Variants in FTO observed in about 807,000 individuals in gnomAD.
FTO encodes alpha-ketoglutarate-dependent dioxygenase FTO.
Under a neutral mutation model 63.9 loss-of-function variants are expected in FTO, and 47 were observed. The observed-to-expected ratio is 0.74, with a 90% CI of 0.58 to 0.94. FTO has a LOEUF of 0.94. Ranked by LOEUF, FTO falls within the 40% of genes least tolerant of loss-of-function variation. The probability of loss-of-function intolerance (pLI) is 0.00; values close to 1 mark genes in which losing one functional copy is unlikely to be tolerated. For missense variants in FTO, 562 were observed against 618.1 expected (o/e 0.91, Z 0.96); for synonymous variants, 207 against 224.4 (o/e 0.92, Z 0.69).
chr16:53,970,962 A>G (rs1251979319), intron 8 of FTO, among the ~76,000 whole-genome samples: 1 of 152,242 alleles, frequency 6.6e-6, no homozygotes, highest in Non-Finnish European at 1.5e-5. Context: ...TAATAGTAAG[A>G]AACTGAGCCC....
intron 7 of FTO, among the ~76,000 whole-genome samples, chr16:53,928,351 T>C (rs2082198645): frequency 6.6e-6 from 1 of 152,186 alleles, no homozygotes; most frequent in African/African-American, 2.4e-5. Flanking sequence ...TTTTTGGTAA[T>C]AGGAGACTGT....
intron 1 of FTO, among the ~76,000 whole-genome samples, chr16:53,732,358 G>A (rs1300722197): frequency 1.3e-5 from 2 of 152,084 alleles, no homozygotes; most frequent in Non-Finnish European, 2.9e-5. Flanking sequence ...GCCCATTGTG[G>A]TCTTCTTAAA....
At chr16:53,758,571 T>C (rs951017403) in intron 1 of FTO, among the ~76,000 whole-genome samples, 1 of 152,194 alleles carries the variant, frequency 6.6e-6, no homozygotes, top group Non-Finnish European at 1.5e-5. Flanking sequence ...GCCCACCAGT[T>C]GACAAACTAA....
chr16:53,738,408 C>A (rs543707925), intron 1 of FTO, among the ~76,000 whole-genome samples: 2 of 152,340 alleles, frequency 1.3e-5, no homozygotes, highest in East Asian at 3.9e-4. Flanking sequence ...TCCCAAAGTG[C>A]ACGGATTACA....
chr16:53,976,832 G>C lies in FTO; in HGVS notation c.1364+42723G>C, dbSNP rs115136219. Among the ~76,000 whole-genome samples, 1,311 of 152,088 alleles carry C rather than the reference G, an allele frequency of 8.6e-3. 18 individuals carry two copies. Among genetic ancestry groups the C allele is most frequent in the African/African-American group, 0.029 (1,198 of 41,522 alleles). On this transcript the variant is annotated intron_variant, in intron 8 of 8. Coordinates refer to ENST00000471389, the MANE Select transcript of FTO (RefSeq NM_001080432.3). ...TGTAATGGAATTACAGATATGTCTG[G>C]TAGCTGTTGAGTTTTTGCATTCATA...
intron 1 of FTO, among the ~76,000 whole-genome samples, chr16:53,712,084 C>A (rs1343052358): frequency 6.6e-6 from 1 of 152,070 alleles, no homozygotes; most frequent in Non-Finnish European, 1.5e-5. Flanking sequence ...CAGAGTGAGA[C>A]CCTGTCTCTA....
At chr16:53,907,382 T>C (rs997010381) in intron 7 of FTO, among the ~76,000 whole-genome samples, 3 of 152,154 alleles carry the variant, frequency 2.0e-5, no homozygotes, top group African/African-American at 7.2e-5. Flanking sequence ...GAGTACAGTA[T>C]TGGTGGTTTG....
intron 8 of FTO, among the ~76,000 whole-genome samples, chr16:53,983,541 C>A (rs1196253630): frequency 6.6e-6 from 1 of 151,988 alleles, no homozygotes; most frequent in African/African-American, 2.4e-5. Flanking sequence ...TTTCAGAAAC[C>A]CTTTTCTCTC....
rs768994371 is a variant in FTO at position 53,764,910 on chromosome 16, G to A, written c.46-45230G>A. Reference sequence around the variant, plus strand: ...AATTTTTGTATTTTTAGTAGAGACAGGGTTTCACCATGTTGGCCAGGCTGG... The same window carrying A: ...AATTTTTGTATTTTTAGTAGAGACAAGGTTTCACCATGTTGGCCAGGCTGG... On this transcript the variant is annotated intron_variant, in intron 1 of 8. Coordinates refer to ENST00000471389, the MANE Select transcript of FTO (RefSeq NM_001080432.3). Among the ~76,000 whole-genome samples the A allele has an allele frequency of 7.2e-5, 11 of 151,886 alleles. 1 individual carries two copies. The highest frequency in any genetic ancestry group is 1.2e-4 in the Non-Finnish European group (8 of 67,978).
At chr16:53,911,309 C>T in intron 7 of FTO, 1 of 696,700 alleles carries the variant, frequency 1.4e-6, no homozygotes, top group Non-Finnish European at 2.6e-6. Flanking sequence ...AGGACAGGCG[C>T]AGAACAGTCA....
At chr16:53,882,564 G>A (rs1267449072) in intron 6 of FTO, among the ~76,000 whole-genome samples, 11 of 152,188 alleles carry the variant, frequency 7.2e-5, no homozygotes, top group Non-Finnish European at 1.3e-4. Flanking sequence ...CCTGGAGTCC[G>A]TGGAACAGTC....
At chr16:54,079,862 T>C (rs1427852363) in intron 8 of FTO, among the ~76,000 whole-genome samples, 4 of 152,188 alleles carry the variant, frequency 2.6e-5, no homozygotes, top group Non-Finnish European at 4.4e-5. Flanking sequence ...TTTATTAAGA[T>C]CTCTATTTAT....
At chr16:53,817,379 T>C (rs923542459) in intron 2 of FTO, among the ~76,000 whole-genome samples, 1 of 152,162 alleles carries the variant, frequency 6.6e-6, no homozygotes, top group Non-Finnish European at 1.5e-5. Flanking sequence ...AGTCATCGGA[T>C]GGCTGCCAAG....
In FTO at chr16:53,946,860, T is replaced by A. The variant is rs74907818; in HGVS notation, c.1364+12751T>A. Among the ~76,000 whole-genome samples, 1,098 of 152,346 alleles carry A rather than the reference T, an allele frequency of 7.2e-3. 15 individuals are homozygous for A. Among genetic ancestry groups the A allele is most frequent in the African/African-American group, 0.025 (1,045 of 41,576 alleles). On this transcript the variant is annotated intron_variant, in intron 8 of 8. Transcript: ENST00000471389. ...AACCCTCGGAAAGCATAGGTTTTGC[T>A]AAGGCAGCCTGCACAGTAATGATAT...
intron 8 of FTO, chr16:53,985,101 G>A: frequency 2.7e-6 from 1 of 370,942 alleles, no homozygotes; most frequent in Non-Finnish European, 5.4e-6. Flanking sequence ...GTAGGGAGGG[G>A]CTGGGGGTTG....
intron 8 of FTO, among the ~76,000 whole-genome samples, chr16:54,035,708 G>T (rs1451030380): frequency 1.3e-5 from 2 of 152,080 alleles, no homozygotes; most frequent in Non-Finnish European, 2.9e-5. Context: ...GCCACTTACG[G>T]GAAACCTTGG....
At chr16:53,863,337 C>T (rs2151858426) in intron 4 of FTO, among the ~76,000 whole-genome samples, 1 of 152,288 alleles carries the variant, frequency 6.6e-6, no homozygotes, top group Non-Finnish European at 1.5e-5. Context: ...TAGACTAGTA[C>T]TGGCTGATAG....
chr16:53,935,029 T>C (rs935350009), intron 8 of FTO, among the ~76,000 whole-genome samples: 1 of 152,226 alleles, frequency 6.6e-6, no homozygotes, highest in Non-Finnish European at 1.5e-5. Context: ...AAATATCATG[T>C]GGTCCTATTC....
intron 7 of FTO, among the ~76,000 whole-genome samples, chr16:53,918,284 C>A (rs202092867): frequency 6.6e-6 from 1 of 152,198 alleles, no homozygotes; most frequent in African/African-American, 2.4e-5. Context: ...GAGCCTACTA[C>A]ACACCTAGGC....
Sources: gnomAD v4.1 joint callset for allele counts (sites outside exome capture counted in the v4.1 genomes callset) on GRCh38, gnomAD v4.1.1 for gene constraint, MANE v1.5 for transcripts, NCBI Gene and HGNC (gene_info 2026-07-23, HGNC 2026-07-21) for gene names.